Variants in TMEM169 observed in about 807,000 individuals in gnomAD.
TMEM169 encodes the protein transmembrane protein 169.
TMEM169 carries 18 observed loss-of-function variants against 27.3 expected under a neutral mutation model. That is an observed-to-expected ratio of 0.66 (90% CI 0.46 to 0.98). The LOEUF is 0.98. Ranked by LOEUF, TMEM169 falls within the 50% of genes least tolerant of loss-of-function variation. TMEM169 has a pLI of 0.00. For missense variants in TMEM169, 320 were observed against 368.6 expected, an observed-to-expected ratio of 0.87 and a Z score of 1.08; for synonymous variants, 136 against 142.1, an observed-to-expected ratio of 0.96 and a Z score of 0.30.
rs559038757 is a variant in TMEM169 at position 216,095,396 on chromosome 2, G to T, written c.-126-442G>T. On this transcript the variant is annotated intron_variant, in intron 1 of 2. Transcript: ENST00000437356. ...AACCACTGTGCCCAGCCTACCTGTG[G>T]TTCTTAACTCTCACCTACTGGTAAG... is the stretch of plus-strand genomic sequence containing the variant. Among the ~76,000 whole-genome samples, 3 of 152,066 alleles carry T rather than the reference G, an allele frequency of 2.0e-5. No individual in the cohort carries two copies. In the East Asian group the frequency reaches 5.8e-4, roughly 29 times the overall value.
At chr2:216,098,913 G>C (rs965252142) in intron 2 of TMEM169, among the ~76,000 whole-genome samples, 34 of 150,878 alleles carry the variant, frequency 2.3e-4, no homozygotes, top group African/African-American at 8.3e-4. Context: ...GTGTAGTGTG[G>C]TATGTATGGG....
At chr2:216,095,335 G>T (rs191489492) in intron 1 of TMEM169, among the ~76,000 whole-genome samples, 3 of 151,762 alleles carry the variant, frequency 2.0e-5, no homozygotes, top group Non-Finnish European at 4.4e-5. Context: ...TGATCCACCC[G>T]CCTCGGCCTC....
At chr2:216,094,668 AAC>A (rs756879567) in intron 1 of TMEM169, among the ~76,000 whole-genome samples, 6 of 152,230 alleles carry the variant, frequency 3.9e-5, no homozygotes, top group Non-Finnish European at 8.8e-5. Context: ...ATCAACTCAT[AAC>A]ACAGAGTTCA....
intron 1 of TMEM169, among the ~76,000 whole-genome samples, chr2:216,084,953 G>A (rs576119104): frequency 6.6e-5 from 10 of 152,180 alleles, no homozygotes; most frequent in African/African-American, 2.4e-4. Context: ...AGTTACAGGA[G>A]GATTTTAAGC....
intron 1 of TMEM169, among the ~76,000 whole-genome samples, chr2:216,092,554 G>A (rs1022276944): frequency 6.6e-6 from 1 of 152,160 alleles, no homozygotes; most frequent in Non-Finnish European, 1.5e-5. Context: ...AACAAAGAGA[G>A]AGGAAAAGGG....
rs766422942 is a variant in TMEM169 at position 216,100,093 on chromosome 2, G to A, written c.445G>A (p.Ala149Thr). ...SRETTPEGRM[A>T]CQMGADRGPH... Reference sequence around the variant, plus strand: ...GGAAACGACGCCTGAAGGAAGAATGGCCTGCCAGATGGGAGCTGACCGTGG... The same window carrying A: ...GGAAACGACGCCTGAAGGAAGAATGACCTGCCAGATGGGAGCTGACCGTGG... The change falls in exon 3 of 3, where the codon GCC becomes ACC. Residue 149 changes from alanine to threonine, a missense_variant. By Grantham distance (58) the Ala-to-Thr change is moderately conservative. Transcript: ENST00000437356. The A allele has an allele frequency of 6.2e-7, 1 of 1,614,154 alleles. No individual in the cohort carries two copies. Among genetic ancestry groups the A allele is most frequent in the South Asian group, 1.1e-5 (1 of 91,080 alleles).
intron 1 of TMEM169, among the ~76,000 whole-genome samples, chr2:216,095,480 C>T (rs2105985964): frequency 6.6e-6 from 1 of 152,110 alleles, no homozygotes; most frequent in Non-Finnish European, 1.5e-5. Flanking sequence ...GATTTATACA[C>T]AAAAATCGGT....
chr2:216,086,595 G>A (rs1696004307), intron 1 of TMEM169, among the ~76,000 whole-genome samples: 2 of 152,212 alleles, frequency 1.3e-5, no homozygotes, highest in Admixed American at 1.3e-4. Flanking sequence ...AAATGGGGAA[G>A]AGAATCAAGC....
At chr2:216,096,368 T>G (rs908256006) in intron 2 of TMEM169, 134 bp downstream of exon 2, 32 of 1,057,594 alleles carry the variant, frequency 3.0e-5, no homozygotes, top group Non-Finnish European at 4.0e-5. Flanking sequence ...TTACCACCTT[T>G]TATTTATTTA....
Position 216,100,644 on chromosome 2 carries a change from C to T in TMEM169, c.*102C>T, listed in dbSNP as rs1453964019. On this transcript the variant is annotated 3_prime_UTR_variant, in exon 3 of 3. Coordinates refer to ENST00000437356, the MANE Select transcript of TMEM169 (RefSeq NM_001142311.2). ...AAATTACCCCCTACTCTCCGCAGTT[C>T]TTCTGGGAAATCAGAGTCCATACTG... 6 of 1,498,816 alleles carry T rather than the reference C, an allele frequency of 4.0e-6. No homozygotes were observed. In the African/African-American group the frequency reaches 5.6e-5, roughly 14 times the overall value. 92.8% of individuals were successfully genotyped at this position (1,498,816 alleles called of 1,614,324 possible).
rs200022914 is a variant in TMEM169, at chr2:216,096,052, C to T, written c.89C>T (p.Ala30Val). The change falls in exon 2 of 3, where the codon GCG (alanine) becomes GTG (valine). Residue 30 changes from alanine to valine, a missense_variant. Coordinates refer to ENST00000437356, the MANE Select transcript of TMEM169 (RefSeq NM_001142311.2). ...AGGAAGGCTGTGGCTGCTGCCCTGGCGCTGGATGGGGAATCCACAATGGGG... is the reference window on the plus strand; with the variant it reads ...AGGAAGGCTGTGGCTGCTGCCCTGGTGCTGGATGGGGAATCCACAATGGGG... ...SLRKAVAAAL[A>V]LDGESTMGHR... 7.9e-5 allele frequency: 128 copies of T among 1,614,060 alleles called. No homozygotes were observed. The highest frequency in any genetic ancestry group is 9.7e-5 in the Non-Finnish European group (114 of 1,180,034).
chr2:216,101,139 A>T lies in TMEM169; in HGVS notation c.*597A>T, dbSNP rs1020572678. The T allele has an allele frequency of 6.2e-6, 1 of 161,150 alleles. No homozygotes were observed. The highest frequency in any genetic ancestry group is 2.4e-5 in the African/African-American group (1 of 41,476). The allele number at this position is 161,150 out of a possible 1,614,324, so 10.0% of individuals were successfully genotyped here. On this transcript the variant is annotated 3_prime_UTR_variant, in exon 3 of 3. Coordinates refer to ENST00000437356, the MANE Select transcript of TMEM169 (RefSeq NM_001142311.2). ...GACCCTGTGAAGTAATCCAGGTCCC[A>T]GGCTTCTTCTATTTCTCTACCATTA...
chr2:216,100,844 G>A lies in TMEM169; in HGVS notation c.*302G>A, dbSNP rs1263486422. The A allele has an allele frequency of 4.8e-6, 2 of 419,056 alleles. No individual in the cohort carries two copies. The highest frequency in any genetic ancestry group is 7.7e-5 in the Admixed American group (2 of 25,834). 26.0% of individuals were successfully genotyped at this position (419,056 alleles called of 1,614,324 possible). A position where few individuals can be genotyped will look rare whatever the true frequency, so the allele number is the denominator to read the frequency against. On this transcript the variant is annotated 3_prime_UTR_variant, in exon 3 of 3. Coordinates refer to ENST00000437356, the MANE Select transcript of TMEM169 (RefSeq NM_001142311.2). ...TTGGGAGCCTGGAAGTGTTACTGGT[G>A]CCTGGAACTGAGGGGAGTATGTGAC...
In TMEM169 at chr2:216,095,898, G is replaced by A; in HGVS notation, c.-66G>A. Reference sequence around the variant, plus strand: ...CATCTAGGAAGAAGTTCTGTGATGTGTGAACTGTGAGTTTACTCAAACAAG... The same window carrying A: ...CATCTAGGAAGAAGTTCTGTGATGTATGAACTGTGAGTTTACTCAAACAAG... On this transcript the variant is annotated 5_prime_UTR_variant, in exon 2 of 3. The change creates a new upstream start codon in the 5' untranslated region. Transcript: ENST00000437356. 6.5e-7 allele frequency: 1 copy of A among 1,536,894 alleles called. No individual in the cohort carries two copies. Among genetic ancestry groups the A allele is most frequent in the Non-Finnish European group, 8.8e-7 (1 of 1,140,348 alleles).
intron 1 of TMEM169, among the ~76,000 whole-genome samples, chr2:216,087,078 G>A (rs910442945): frequency 6.6e-6 from 1 of 152,170 alleles, no homozygotes. Context: ...GAGCGAATGA[G>A]TCTGTCTTGA....
intron 1 of TMEM169, among the ~76,000 whole-genome samples, chr2:216,084,622 T>C (rs1695955677): frequency 6.6e-6 from 1 of 152,118 alleles, no homozygotes; most frequent in Admixed American, 6.5e-5. Context: ...AACAAGCTGT[T>C]GTGATAAAGA....
chr2:216,092,523 T>G (rs886392892), intron 1 of TMEM169, among the ~76,000 whole-genome samples: 4 of 152,148 alleles, frequency 2.6e-5, no homozygotes, highest in Non-Finnish European at 4.4e-5. Flanking sequence ...CTGCCACATC[T>G]TCCTAGAGCA....
chr2:216,085,426 T>C (rs187720867), intron 1 of TMEM169, among the ~76,000 whole-genome samples: 6 of 152,210 alleles, frequency 3.9e-5, no homozygotes, highest in Admixed American at 1.3e-4. Context: ...GTAAAAGATG[T>C]TGCTTACTGC....
chr2:216,095,881 A>G lies in TMEM169; in HGVS notation c.-83A>G, dbSNP rs1043163582. Reference sequence around the variant, plus strand: ...ACATCTTTGCATAGCCCCATCTAGGAAGAAGTTCTGTGATGTGTGAACTGT... The same window carrying G: ...ACATCTTTGCATAGCCCCATCTAGGGAGAAGTTCTGTGATGTGTGAACTGT... On this transcript the variant is annotated 5_prime_UTR_variant, in exon 2 of 3. Coordinates refer to ENST00000437356, the MANE Select transcript of TMEM169 (RefSeq NM_001142311.2). 2 of 1,486,014 alleles carry G rather than the reference A, an allele frequency of 1.3e-6. No individual in the cohort carries two copies. The highest frequency in any genetic ancestry group is 1.8e-6 in the Non-Finnish European group (2 of 1,107,860). 92.1% of individuals were successfully genotyped at this position (1,486,014 alleles called of 1,614,324 possible). A position where few individuals can be genotyped will look rare whatever the true frequency, so the allele number is the denominator to read the frequency against.
Sources: gnomAD v4.1 joint callset for allele counts (sites outside exome capture counted in the v4.1 genomes callset) on GRCh38, gnomAD v4.1.1 for gene constraint, MANE v1.5 for transcripts, NCBI Gene and HGNC (gene_info 2026-07-23, HGNC 2026-07-21) for gene names.